The following HOMER1 variants were observed in gnomAD, a reference collection of about 807,000 sequenced individuals.
HOMER1 encodes the protein homer scaffold protein 1, also known as homer protein homolog 1.
Under a neutral mutation model 48.9 loss-of-function variants are expected in HOMER1, and 3 were observed. The observed-to-expected ratio is 0.06, with a 90% confidence interval of 0.03 to 0.16. HOMER1 has a LOEUF of 0.16. HOMER1 is among the 10% of genes least tolerant of loss of function. The probability of loss-of-function intolerance (pLI) is 1.00; values close to 1 mark genes in which losing one functional copy is unlikely to be tolerated. For missense variants in HOMER1, 247 were observed against 411.4 expected (o/e 0.60, Z 3.46); for synonymous variants, 134 against 146.4 (o/e 0.92, Z 0.61).
At chr5:79,413,703 A>C (rs1366591724) in intron 5 of HOMER1, among the ~76,000 whole-genome samples, 1 of 151,970 alleles carries the variant, frequency 6.6e-6, no homozygotes, top group African/African-American at 2.4e-5. Flanking sequence ...TAAAAAAAAA[A>C]AAAACTACTT....
At chr5:79,463,319 A>AG (rs748613803) in intron 1 of HOMER1, among the ~76,000 whole-genome samples, 1 of 152,232 alleles carries the variant, frequency 6.6e-6, no homozygotes, top group Non-Finnish European at 1.5e-5. Context: ...AGAAACTTCT[A>AG]GGTACACTCA....
intron 5 of HOMER1, among the ~76,000 whole-genome samples, chr5:79,415,836 G>A (rs181780314): frequency 6.6e-6 from 1 of 151,920 alleles, no homozygotes; most frequent in Non-Finnish European, 1.5e-5. Context: ...GTTCAGGCTC[G>A]AATCTGATGA....
chr5:79,459,933 TG>T (rs1751271520), intron 1 of HOMER1, among the ~76,000 whole-genome samples: 1 of 152,152 alleles, frequency 6.6e-6, no homozygotes, highest in Admixed American at 6.5e-5. Flanking sequence ...AAATAGAGAA[TG>T]AAAAAAGAGA....
chr5:79,394,562 T>C (rs1415944141), intron 8 of HOMER1, among the ~76,000 whole-genome samples: 1 of 152,154 alleles, frequency 6.6e-6, no homozygotes, highest in Non-Finnish European at 1.5e-5. Context: ...TACTGCTCTA[T>C]CAATGATGAA....
chr5:79,439,040 G>A lies in HOMER1; in HGVS notation c.497C>T (p.Pro166Leu), dbSNP rs761834884. 6.2e-7 allele frequency: 1 copy of A among 1,613,734 alleles called. No homozygotes were observed. The highest frequency in any genetic ancestry group is 1.1e-5 in the South Asian group (1 of 91,070). ...TGAAAATGGCAATGCATTCTGAGTT[G>A]GTTCAGCCCTTGGCTCTGAGTTCTG... ...VTQNSEPRAEPTQNALPFSHS... is the reference protein window; with the variant it reads ...VTQNSEPRAELTQNALPFSHS... The change falls in exon 5 of 9, where the codon CCA becomes CTA. Residue 166 changes from proline to leucine, a missense_variant. Transcript: ENST00000334082.
intron 8 of HOMER1, among the ~76,000 whole-genome samples, chr5:79,376,511 C>T (rs1445390064): frequency 2.0e-5 from 3 of 152,166 alleles, no homozygotes; most frequent in African/African-American, 7.2e-5. Context: ...TTATGGATCA[C>T]TTAGATCTCA....
chr5:79,424,472 A>G (rs2112252298), intron 5 of HOMER1, among the ~76,000 whole-genome samples: 1 of 152,206 alleles, frequency 6.6e-6, no homozygotes, highest in South Asian at 2.1e-4. Flanking sequence ...CCATTTAAAA[A>G]TGTTACCTAA....
At chr5:79,492,904 T>C (rs918293108) in intron 1 of HOMER1, among the ~76,000 whole-genome samples, 7 of 135,078 alleles carry the variant, frequency 5.2e-5, no homozygotes, top group Non-Finnish European at 9.2e-5. Context: ...ACGAAAACTT[T>C]GTCTTTTTTT....
intron 1 of HOMER1, among the ~76,000 whole-genome samples, chr5:79,488,143 T>C (rs1752170749): frequency 6.6e-6 from 1 of 152,226 alleles, no homozygotes; most frequent in African/African-American, 2.4e-5. Flanking sequence ...GACAGGCTAA[T>C]GACTAAGTAT....
chr5:79,509,088 A>C (rs1290579825), intron 1 of HOMER1, among the ~76,000 whole-genome samples: 1 of 152,220 alleles, frequency 6.6e-6, no homozygotes, highest in African/African-American at 2.4e-5. Flanking sequence ...AGAACCCTGC[A>C]GTTTGAGGCA....
intron 1 of HOMER1, among the ~76,000 whole-genome samples, chr5:79,468,923 T>C (rs76867678): frequency 6.6e-6 from 1 of 152,358 alleles, no homozygotes; most frequent in East Asian, 1.9e-4. Flanking sequence ...CTTAAGCAGC[T>C]ATTCATGTAT....
At chr5:79,498,290 T>C (rs535405618) in intron 1 of HOMER1, among the ~76,000 whole-genome samples, 23 of 152,256 alleles carry the variant, frequency 1.5e-4, no homozygotes, top group Middle Eastern at 3.4e-3. Flanking sequence ...TCCCAGCTAC[T>C]TGGGAGGCTG....
chr5:79,441,057 G>C (rs1248651408), intron 4 of HOMER1, among the ~76,000 whole-genome samples: 2 of 152,106 alleles, frequency 1.3e-5, no homozygotes, highest in African/African-American at 4.8e-5. Context: ...CTATTCGGGA[G>C]GCTGAGGTGG....
intron 5 of HOMER1, among the ~76,000 whole-genome samples, chr5:79,423,650 A>G (rs1750164876): frequency 6.6e-6 from 1 of 152,138 alleles, no homozygotes; most frequent in Non-Finnish European, 1.5e-5. Flanking sequence ...TTATAAAGGC[A>G]GTACTAAGTC....
rs1748703287 is a variant in HOMER1 at position 79,374,255 on chromosome 5, G to A, written c.*1754C>T. On this transcript the variant is annotated 3_prime_UTR_variant, in exon 9 of 9. Transcript: ENST00000334082. ...ATTATTCTCCCTATAATATATAGGT[G>A]AGGAAAATATCCTAAAATAGATGGA... 6.6e-6 allele frequency: 1 copy of A among 152,398 alleles called. No individual in the cohort carries two copies. Among genetic ancestry groups the A allele is most frequent in the African/African-American group, 2.4e-5 (1 of 41,422 alleles). 9.4% of individuals were successfully genotyped at this position (152,398 alleles called of 1,614,324 possible).
rs139804587 is a variant in HOMER1, at chr5:79,463,334, C to G, written c.6-6316G>C. ...AGAAACTTCTAGGTACACTCACAGA[C>G]AGTACACATGTAAGAAGGAATATTC... On this transcript the variant is annotated intron_variant, in intron 1 of 8. Transcript: ENST00000334082. Among the ~76,000 whole-genome samples the G allele has an allele frequency of 2.7e-3, 414 of 152,290 alleles. 1 individual carries two copies. Among genetic ancestry groups the G allele is most frequent in the African/African-American group, 9.6e-3 (400 of 41,550 alleles).
chr5:79,499,474 T>C (rs149948041), intron 1 of HOMER1, among the ~76,000 whole-genome samples: 4 of 152,016 alleles, frequency 2.6e-5, no homozygotes, highest in African/African-American at 9.7e-5. Context: ...TTGATTTTTT[T>C]CAATAAATAT....
intron 5 of HOMER1, among the ~76,000 whole-genome samples, chr5:79,434,753 G>GATGTA (rs71615538): frequency 6.6e-6 from 1 of 151,442 alleles, no homozygotes; most frequent in Non-Finnish European, 1.5e-5. Flanking sequence ...TTATGACAAG[G>GATGTA]ATACAGTACT....
chr5:79,450,267 C>G (rs1251003443), intron 3 of HOMER1, among the ~76,000 whole-genome samples: 1 of 152,162 alleles, frequency 6.6e-6, no homozygotes, highest in Non-Finnish European at 1.5e-5. Context: ...GTGAGTTTTA[C>G]TTTTCTCTTT....
Sources: gnomAD v4.1 joint callset for allele counts (sites outside exome capture counted in the v4.1 genomes callset) on GRCh38, gnomAD v4.1.1 for gene constraint, MANE v1.5 for transcripts, NCBI Gene and HGNC (gene_info 2026-07-23, HGNC 2026-07-21) for gene names.